Variants in MPRIP observed in about 807,000 individuals in gnomAD.
MPRIP encodes the protein myosin phosphatase Rho interacting protein, also known as myosin phosphatase Rho-interacting protein.
Under a neutral mutation model 234.9 loss-of-function variants are expected in MPRIP, and 59 were observed. That is an observed-to-expected ratio of 0.25 (90% confidence interval 0.20 to 0.31). The LOEUF (loss-of-function observed/expected upper bound fraction) is 0.31. Ranked by LOEUF, MPRIP falls within the 10% of genes least tolerant of loss-of-function variation. The pLI, the probability that MPRIP is intolerant of heterozygous loss-of-function variation, is 1.00. For missense variants in MPRIP, 2,436 were observed against 3,071.0 expected (o/e 0.79, Z 4.89); for synonymous variants, 1,144 against 1,263.9 (o/e 0.91, Z 2.01).
intron 3 of MPRIP, among the ~76,000 whole-genome samples, chr17:17,089,832 G>T (rs2089673886): frequency 6.6e-6 from 1 of 152,210 alleles, no homozygotes; most frequent in Admixed American, 6.5e-5. Context: ...GTCATTGCTG[G>T]AAAGGACCTG....
chr17:17,182,265 G>A (rs1184827012), intron 23 of MPRIP: 2 of 152,218 alleles, frequency 1.3e-5, no homozygotes, highest in African/African-American at 4.8e-5. Flanking sequence ...ACTGATCTGT[G>A]TCTTTTGTTC....
intron 10 of MPRIP, 63 bp downstream of exon 10, chr17:17,146,155 C>T (rs746348171): frequency 3.8e-5 from 56 of 1,489,166 alleles, no homozygotes; most frequent in Non-Finnish European, 5.1e-5. Context: ...GTGAGCTGTC[C>T]TTGTCCCCAG....
chr17:17,050,470 C>T (rs1169560412), intron 1 of MPRIP, among the ~76,000 whole-genome samples: 2 of 152,038 alleles, frequency 1.3e-5, no homozygotes, highest in East Asian at 1.9e-4. Flanking sequence ...CACTTTCCCA[C>T]TGCTTAGTAG....
At position 17,171,734 on chromosome 17, in the gene MPRIP, G is replaced by A; in HGVS notation, c.6341G>A (p.Gly2114Glu). 6.2e-7 allele frequency: 1 copy of A among 1,613,150 alleles called. No individual in the cohort carries two copies. The highest frequency in any genetic ancestry group is 1.3e-5 in the African/African-American group (1 of 75,028). ...ATTTTGCAGGCCACGTGCGAGCGAG[G>A]GTTTGCAGCAATGGAAGAAACGCAC... Reference protein sequence around the residue: ...LESLKATCERGFAAMEETHQK... With the variant: ...LESLKATCEREFAAMEETHQK... The change falls in exon 17 of 24, where the codon GGG becomes GAG. Residue 2114 changes from glycine (G) to glutamate (E), a missense_variant. Gly to Glu is a moderately conservative substitution (Grantham distance 98). Coordinates refer to ENST00000651222, the MANE Select transcript of MPRIP (RefSeq NM_001364716.4).
intron 3 of MPRIP, among the ~76,000 whole-genome samples, chr17:17,084,048 A>G (rs993264112): frequency 3.3e-5 from 5 of 152,208 alleles, no homozygotes; most frequent in Non-Finnish European, 4.4e-5. Flanking sequence ...TGCTGCTTCA[A>G]GCTCTGACTT....
At chr17:17,072,689 G>T (rs150770050) in intron 1 of MPRIP, among the ~76,000 whole-genome samples, 13 of 152,108 alleles carry the variant, frequency 8.5e-5, no homozygotes, top group Non-Finnish European at 1.5e-5. Flanking sequence ...CGCAGCCCAC[G>T]TGGCTGGCTG....
At chr17:17,124,141 C>CAT (rs1320583228) in intron 3 of MPRIP, among the ~76,000 whole-genome samples, 1 of 152,180 alleles carries the variant, frequency 6.6e-6, no homozygotes, top group Non-Finnish European at 1.5e-5. Flanking sequence ...GGCATTGCTT[C>CAT]ATACTCATTT....
chr17:17,109,652 G>A (rs1230294209), intron 3 of MPRIP, among the ~76,000 whole-genome samples: 1 of 152,220 alleles, frequency 6.6e-6, no homozygotes, highest in Non-Finnish European at 1.5e-5. Context: ...CCTAGAAGCT[G>A]TGAGACCCGC....
At chr17:17,163,967 T>G in intron 15 of MPRIP, 142 bp from the exon 16 acceptor site, 3 of 430,376 alleles carry the variant, frequency 7.0e-6, no homozygotes, top group Non-Finnish European at 7.4e-6. Flanking sequence ...ATTTTTTTAA[T>G]GGGAAAAAAA....
intron 22 of MPRIP, among the ~76,000 whole-genome samples, chr17:17,178,070 A>G (rs1597520307): frequency 6.6e-6 from 1 of 151,906 alleles, no homozygotes; most frequent in African/African-American, 2.4e-5. Context: ...ACAGGAGTGC[A>G]CCACAAAACA....
chr17:17,170,221 C>G (rs1408696168), intron 16 of MPRIP: 1 of 149,610 alleles, frequency 6.7e-6, no homozygotes, highest in African/African-American at 2.5e-5. Context: ...TTAAAAAAGA[C>G]CTATTAGTTA....
intron 1 of MPRIP, among the ~76,000 whole-genome samples, chr17:17,048,857 G>T (rs1450335704): frequency 6.6e-6 from 1 of 152,142 alleles, no homozygotes; most frequent in Non-Finnish European, 1.5e-5. Flanking sequence ...TTGAGGACAG[G>T]TGTATTCAAA....
At chr17:17,180,463 C>T (rs2046349378) in intron 23 of MPRIP, 2 of 792,654 alleles carry the variant, frequency 2.5e-6, no homozygotes, top group Non-Finnish European at 4.5e-6. Flanking sequence ...ATGCTGCCTG[C>T]TCTTGTTCCC....
chr17:17,044,004 G>A (rs866294327), intron 1 of MPRIP, among the ~76,000 whole-genome samples: 26 of 152,310 alleles, frequency 1.7e-4, no homozygotes, highest in Middle Eastern at 3.4e-3. Context: ...GAGTGAACGG[G>A]CCTGGTTGTT....
chr17:17,135,740 TG>T (rs1238017103), intron 5 of MPRIP, among the ~76,000 whole-genome samples: 1 of 152,136 alleles, frequency 6.6e-6, no homozygotes, highest in Non-Finnish European at 1.5e-5. Flanking sequence ...ACCATCACCT[TG>T]GGGGTTAGGA....
chr17:17,123,183 G>T (rs1428737411), intron 3 of MPRIP, among the ~76,000 whole-genome samples: 3 of 152,212 alleles, frequency 2.0e-5, no homozygotes, highest in Non-Finnish European at 4.4e-5. Flanking sequence ...CAGGAAGCAG[G>T]TTAGCAGTTG....
At position 17,191,357 on chromosome 17, in the gene MPRIP, T is replaced by G. The variant is rs928118326; in HGVS notation, c.*6463T>G. 2 of 152,262 alleles carry G rather than the reference T, an allele frequency of 1.3e-5. No individual in the cohort carries two copies. The highest frequency in any genetic ancestry group is 2.9e-5 in the Non-Finnish European group (2 of 68,056). 9.4% of individuals were successfully genotyped at this position (152,262 alleles called of 1,614,324 possible). ...AGTTTCTGAGAACCTTCAAGACCAC[T>G]CACTGGGCAGGGCTCTGTGGAGCAC... On this transcript the variant is annotated 3_prime_UTR_variant, in exon 24 of 24. Coordinates refer to ENST00000651222, the MANE Select transcript of MPRIP (RefSeq NM_001364716.4).
At position 17,165,400 on chromosome 17, in the gene MPRIP, T is replaced by C. The variant is rs1469086317; in HGVS notation, c.3809T>C (p.Leu1270Pro). 1.5e-6 allele frequency: 2 copies of C among 1,304,144 alleles called. No individual in the cohort carries two copies. The highest frequency in any genetic ancestry group is 3.0e-5 in the African/African-American group (2 of 65,970). 80.8% of individuals were successfully genotyped at this position (1,304,144 alleles called of 1,614,324 possible). A position where few individuals can be genotyped will look rare whatever the true frequency, so the allele number is the denominator to read the frequency against. Residue 1270 changes from leucine to proline, a missense_variant, in exon 16 of 24, where the codon CTG becomes CCG. Around this residue, in one of 4 missense-constraint regions of MPRIP, gnomAD observed 1,998 missense variants for 2,520.3 expected, o/e 0.79. Coordinates refer to ENST00000651222, the MANE Select transcript of MPRIP (RefSeq NM_001364716.4). ...AGGCTCGAGGATGAGGACGAGGACC[T>C]GGGGGCTCCTCCGGGGGAAGAGTAC... is the stretch of plus-strand genomic sequence containing the variant. ...HTRLEDEDEDLGAPPGEEYGD... is the reference protein window; with the variant it reads ...HTRLEDEDEDPGAPPGEEYGD...
chr17:17,061,641 G>T (rs2088870266), intron 1 of MPRIP, among the ~76,000 whole-genome samples: 2 of 152,206 alleles, frequency 1.3e-5, no homozygotes, highest in African/African-American at 2.4e-5. Context: ...GCCCCTACAG[G>T]TGTGGGTCCT....
Sources: allele counts gnomAD v4.1 joint callset (sites outside exome capture counted in the v4.1 genomes callset), GRCh38; gene constraint gnomAD v4.1.1; regional missense constraint gnomAD v4.1.1; transcripts MANE v1.5; gene names NCBI Gene and HGNC (gene_info 2026-07-23, HGNC 2026-07-21).